COL24A1: variants seen among roughly 807,000 people sequenced by gnomAD.
The protein encoded by COL24A1 is collagen type XXIV alpha 1 chain.
In COL24A1, 224 loss-of-function variants were observed where a neutral mutation model predicts 253.9. The observed-to-expected ratio is 0.88, with a 90% CI of 0.79 to 0.99. The LOEUF is 0.99. Ranked by LOEUF, COL24A1 falls within the 50% of genes least tolerant of loss-of-function variation. The pLI, the probability that COL24A1 is intolerant of heterozygous loss-of-function variation, is 0.00. For missense variants in COL24A1, 2,131 were observed against 2,068.5 expected (o/e 1.03, Z -0.59); for synonymous variants, 685 against 673.7 (o/e 1.02, Z -0.26).
chr1:86,099,948 T>G (rs530847400), intron 5 of COL24A1, among the ~76,000 whole-genome samples: 1 of 152,258 alleles, frequency 6.6e-6, no homozygotes, highest in Non-Finnish European at 1.5e-5. Flanking sequence ...AAAATTTTAT[T>G]ATTATTATAC....
intron 55 of COL24A1, 117 bp downstream of exon 55, chr1:85,761,279 A>AAGAAC (rs1666820013): frequency 8.7e-7 from 1 of 1,153,602 alleles, no homozygotes; most frequent in East Asian, 2.6e-5. Flanking sequence ...GTTAGCAAAA[A>AAGAAC]AGAACAGAGG....
intron 37 of COL24A1, among the ~76,000 whole-genome samples, chr1:85,867,360 AGAAGCACTGT>A (rs1679905857): frequency 6.6e-6 from 1 of 152,266 alleles, no homozygotes. Flanking sequence ...ACTGGAGCAC[AGAAGCACTGT>A]GGTTTATGGG....
At chr1:85,900,728 G>C (rs1684200543) in intron 28 of COL24A1, among the ~76,000 whole-genome samples, 1 of 151,902 alleles carries the variant, frequency 6.6e-6, no homozygotes. Context: ...TAGACAAATA[G>C]AACAGAAAAG....
chr1:85,984,697 CT>C (rs1226448082), intron 20 of COL24A1, among the ~76,000 whole-genome samples: 1 of 151,810 alleles, frequency 6.6e-6, no homozygotes. Context: ...TCTATTTCTG[CT>C]TTTCAACCTG....
At chr1:85,980,854 A>T (rs1693186900) in intron 20 of COL24A1, among the ~76,000 whole-genome samples, 1 of 152,250 alleles carries the variant, frequency 6.6e-6, no homozygotes, top group East Asian at 1.9e-4. Context: ...GCTTGCAGTG[A>T]GCCAAGATCA....
intron 35 of COL24A1, among the ~76,000 whole-genome samples, chr1:85,871,218 C>A (rs186462655): frequency 0.13 from 19,851 of 151,984 alleles, 1,435 homozygotes; most frequent in Non-Finnish European, 0.16. Flanking sequence ...GCCTACCAAC[C>A]AAAAAAAGTC....
intron 31 of COL24A1, among the ~76,000 whole-genome samples, chr1:85,893,032 G>A (rs1372359525): frequency 6.6e-6 from 1 of 152,000 alleles, no homozygotes; most frequent in Non-Finnish European, 1.5e-5. Context: ...ACATTAAATT[G>A]AAATTGAACA....
At chr1:86,129,029 C>T (rs1023155992) in intron 2 of COL24A1, among the ~76,000 whole-genome samples, 3 of 151,570 alleles carry the variant, frequency 2.0e-5, no homozygotes, top group Admixed American at 2.0e-4. Context: ...CATTTTTTCC[C>T]AAAAAGTTAC....
At chr1:85,891,199 C>T (rs113550590) in intron 31 of COL24A1, among the ~76,000 whole-genome samples, 15 of 151,002 alleles carry the variant, frequency 9.9e-5, no homozygotes, top group East Asian at 1.9e-4. Context: ...TACAGGCGCC[C>T]GCCACCACGC....
intron 39 of COL24A1, among the ~76,000 whole-genome samples, chr1:85,843,671 T>C (rs1676864177): frequency 1.3e-5 from 2 of 152,054 alleles, no homozygotes; most frequent in South Asian, 4.2e-4. Context: ...AATCAAGACA[T>C]TGAAGGGGCA....
Position 86,147,629 on chromosome 1 carries a change from T to A in COL24A1, c.57-1446A>T, listed in dbSNP as rs553905076. Among the ~76,000 whole-genome samples, 3 of 152,312 alleles carry A rather than the reference T, an allele frequency of 2.0e-5. No individual in the cohort carries two copies. The South Asian group carries it at 6.2e-4, about 32-fold the overall frequency. ...TGTAAAAAATGCAGATTTTGGGCCC[T>A]GACACAGAGATTATGATTCAAAAAT... On this transcript the variant is annotated intron_variant, in intron 1 of 59. Coordinates refer to ENST00000370571, the MANE Select transcript of COL24A1 (RefSeq NM_152890.7).
intron 22 of COL24A1, among the ~76,000 whole-genome samples, chr1:85,966,653 G>C (rs1460945801): frequency 2.6e-5 from 4 of 152,146 alleles, no homozygotes; most frequent in Non-Finnish European, 5.9e-5. Flanking sequence ...TCTAGGAGGA[G>C]AGAGTGATCT....
intron 2 of COL24A1, among the ~76,000 whole-genome samples, chr1:86,128,438 T>C (rs952977303): frequency 6.6e-6 from 1 of 151,978 alleles, no homozygotes; most frequent in Non-Finnish European, 1.5e-5. Context: ...GTATATATGA[T>C]CATAAAGTAT....
chr1:85,857,294 G>T (rs562471800), intron 37 of COL24A1, among the ~76,000 whole-genome samples: 1 of 151,746 alleles, frequency 6.6e-6, no homozygotes, highest in Non-Finnish European at 1.5e-5. Flanking sequence ...TTTGTGGCAG[G>T]GACAGGGTGA....
intron 14 of COL24A1, among the ~76,000 whole-genome samples, chr1:86,030,979 G>C (rs1365593896): frequency 6.6e-6 from 1 of 152,056 alleles, no homozygotes; most frequent in African/African-American, 2.4e-5. Flanking sequence ...AAGGCTATCA[G>C]CATACTGAAC....
chr1:86,093,737 G>A (rs1383944619), intron 5 of COL24A1, among the ~76,000 whole-genome samples: 2 of 151,952 alleles, frequency 1.3e-5, no homozygotes, highest in African/African-American at 4.8e-5. Flanking sequence ...TGCAAACTAT[G>A]CATCCAACAA....
chr1:85,994,114 G>A (rs530517664), intron 19 of COL24A1, among the ~76,000 whole-genome samples: 1 of 151,712 alleles, frequency 6.6e-6, no homozygotes, highest in African/African-American at 2.4e-5. Context: ...GCATAGTTTG[G>A]CTTAAATGTA....
intron 2 of COL24A1, among the ~76,000 whole-genome samples, chr1:86,142,502 G>A (rs1305024221): frequency 2.1e-5 from 3 of 145,776 alleles, no homozygotes; most frequent in African/African-American, 5.0e-5. Context: ...CAGCCTGGAC[G>A]ACAGAGTGAG....
At chr1:85,900,456 T>C (rs998220422) in intron 28 of COL24A1, among the ~76,000 whole-genome samples, 6 of 151,946 alleles carry the variant, frequency 3.9e-5, no homozygotes, top group Non-Finnish European at 8.8e-5. Context: ...CTGGGTAAGA[T>C]GGCAAGACCC....
Sources: allele counts gnomAD v4.1 joint callset (sites outside exome capture counted in the v4.1 genomes callset), GRCh38; gene constraint gnomAD v4.1.1; transcripts MANE v1.5; gene names NCBI Gene and HGNC (gene_info 2026-07-23, HGNC 2026-07-21).